Variants in OR9G4 observed in about 807,000 individuals in gnomAD.
The protein encoded by OR9G4 is olfactory receptor 9G4.
In OR9G4, 19 loss-of-function variants were observed where a neutral mutation model predicts 16.7. The ratio of observed to expected loss-of-function variants is 1.14; its 90% CI spans 0.79 to 1.67. The LOEUF is 1.67. Ranked by LOEUF, OR9G4 falls within the 40% of genes most tolerant of loss-of-function variation. OR9G4 has a pLI of 0.00. For missense variants in OR9G4, 428 were observed against 370.4 expected (o/e 1.16, Z -1.28); for synonymous variants, 182 against 146.2 (o/e 1.24, Z -1.76).
intron 1 of OR9G4, among the ~76,000 whole-genome samples, chr11:56,748,426 T>TGATG (rs1285422779): frequency 6.6e-6 from 1 of 152,248 alleles, no homozygotes. Flanking sequence ...AGTGAATATA[T>TGATG]GATGGCCCAG....
intron 1 of OR9G4, among the ~76,000 whole-genome samples, chr11:56,747,174 C>T (rs1438516954): frequency 7.8e-6 from 1 of 127,578 alleles, no homozygotes; most frequent in Non-Finnish European, 1.6e-5. Flanking sequence ...TCTGTCCCAG[C>T]ATCAAAGATT....
At chr11:56,744,868 G>A (rs146288879) in intron 1 of OR9G4, among the ~76,000 whole-genome samples, 61 of 152,220 alleles carry the variant, frequency 4.0e-4, no homozygotes, top group Non-Finnish European at 5.4e-4. Flanking sequence ...CTACAGTGGC[G>A]CTAAGAGCTA....
intron 1 of OR9G4, among the ~76,000 whole-genome samples, chr11:56,745,050 G>A (rs974566812): frequency 6.6e-5 from 10 of 152,082 alleles, no homozygotes; most frequent in South Asian, 4.1e-4. Flanking sequence ...CCAAAAGGGC[G>A]AGAAAACATC....
chr11:56,746,022 G>A (rs4525253), intron 1 of OR9G4, among the ~76,000 whole-genome samples: 12,694 of 151,872 alleles, frequency 0.084, 696 homozygotes, highest in East Asian at 0.14. Flanking sequence ...GGCCGGGCGC[G>A]GTGGCTCACG....
At chr11:56,744,456 A>G (rs1858372315) in intron 1 of OR9G4, among the ~76,000 whole-genome samples, 1 of 152,180 alleles carries the variant, frequency 6.6e-6, no homozygotes, top group Admixed American at 6.5e-5. Context: ...AAAAAATTTC[A>G]CTATCTTTCT....
Position 56,748,676 on chromosome 11 carries a change from T to C in OR9G4, c.-43A>G, listed in dbSNP as rs1305237451. The C allele has an allele frequency of 1.3e-5, 2 of 152,258 alleles. No individual in the cohort carries two copies. The highest frequency in any genetic ancestry group is 2.9e-5 in the Non-Finnish European group (2 of 68,064). The allele number at this position is 152,258 out of a possible 1,614,324, so 9.4% of individuals were successfully genotyped here. A position where few individuals can be genotyped will look rare whatever the true frequency, so the allele number is the denominator to read the frequency against. Reference sequence around the variant, plus strand: ...CTTACCCTTGGTTTGGAAGGCCAGCTCTTGGAAGTCACACTTTTCCCTCTC... The same window carrying C: ...CTTACCCTTGGTTTGGAAGGCCAGCCCTTGGAAGTCACACTTTTCCCTCTC... On this transcript the variant is annotated 5_prime_UTR_variant, in exon 1 of 2. Transcript: ENST00000641668.
chr11:56,746,579 G>A (rs1858420576), intron 1 of OR9G4, among the ~76,000 whole-genome samples: 1 of 152,152 alleles, frequency 6.6e-6, no homozygotes, highest in Non-Finnish European at 1.5e-5. Flanking sequence ...AGATGACTAA[G>A]TTTGGTCGGG....
intron 1 of OR9G4, among the ~76,000 whole-genome samples, chr11:56,746,252 C>G (rs1442116398): frequency 7.0e-6 from 1 of 142,810 alleles, no homozygotes; most frequent in Non-Finnish European, 1.5e-5. Flanking sequence ...GAGATCCCGC[C>G]ACTGCACTCC....
In OR9G4 at chr11:56,742,168, GAGTACTCACTCCTTGTAAGAGAGA is replaced by G. The variant is rs1401649170; in HGVS notation, c.*636_*659del. On this transcript the variant is annotated 3_prime_UTR_variant, in exon 2 of 2. Transcript: ENST00000641668. ...GTGTGACCTGAGAGAGAGTACTGCG[GAGTACTCACTCCTTGTAAGAGAGA>G]AGACTGTTAGGATGATATGCAATTC... 5 of 152,458 alleles carry G rather than the reference GAGTACTCACTCCTTGTAAGAGAGA, an allele frequency of 3.3e-5. No homozygotes were observed. Among genetic ancestry groups the G allele is most frequent in the African/African-American group, 4.8e-5 (2 of 41,562 alleles). The allele number at this position is 152,458 out of a possible 1,614,324, so 9.4% of individuals were successfully genotyped here.
rs1162218997 is a variant in OR9G4 at position 56,743,038 on chromosome 11, G to C, written c.729C>G (p.Ser243=). ...AGAAGAGCATGACTGAGATGAGGTG[G>C]GAAGCACAGGTGGAGAATGCCTTGT... ...GRHKAFSTCA[S]HLISVMLFYG... The change falls in exon 2 of 2, where the codon TCC becomes TCG. Residue 243 remains serine, a synonymous_variant. Coordinates refer to ENST00000641668, the MANE Select transcript of OR9G4 (RefSeq NM_001005284.2). The C allele has an allele frequency of 1.2e-6, 2 of 1,614,094 alleles. No individual in the cohort carries two copies. Among genetic ancestry groups the C allele is most frequent in the Non-Finnish European group, 1.7e-6 (2 of 1,179,968 alleles).
At position 56,743,618 on chromosome 11, in the gene OR9G4, C is replaced by A. The variant is rs747446138; in HGVS notation, c.149G>T (p.Arg50Leu). 3.7e-6 allele frequency: 6 copies of A among 1,613,818 alleles called. No homozygotes were observed. The highest frequency in any genetic ancestry group is 5.1e-6 in the Non-Finnish European group (6 of 1,179,922). ...SGNMTLVILI[R>L]TDSHLHTPMY... is the part of the protein sequence containing the mutation. ...AGGTGTATGCAAGTGGGAATCAGTT[C>A]GGATTAAGATAACCAAGGTCATGTT... is the stretch of plus-strand genomic sequence containing the variant. The change falls in exon 2 of 2, where the codon CGA becomes CTA. Residue 50 changes from arginine (R) to leucine (L), a missense_variant. Physicochemically the swap from Arg to Leu is moderately radical, Grantham distance 102. Transcript: ENST00000641668.
chr11:56,743,955 G>T, intron 1 of OR9G4, 167 bp from the exon 2 acceptor site: 1 of 700,642 alleles, frequency 1.4e-6, no homozygotes, highest in Non-Finnish European at 2.3e-6. Flanking sequence ...TGGAATTGGA[G>T]TCAAAAATAA....
intron 1 of OR9G4, among the ~76,000 whole-genome samples, chr11:56,747,196 T>G (rs1858430350): frequency 6.7e-6 from 1 of 148,546 alleles, no homozygotes; most frequent in African/African-American, 2.5e-5. Flanking sequence ...ATTATTATTA[T>G]TATTATTATT....
rs1384541573 is a variant in OR9G4 at position 56,743,332 on chromosome 11, A to G, written c.435T>C (p.Val145=). The change falls in exon 2 of 2, where the codon GTT becomes GTC. Residue 145 remains valine, a synonymous_variant. Coordinates refer to ENST00000641668, the MANE Select transcript of OR9G4 (RefSeq NM_001005284.2). ...AAAATCCTCCTATGTAGGAGCCAGC[A>G]ACAAGCCCAGTACAGAGGGCGGTGG... ...TMSTALCTGL[V]AGSYIGGFLN... The G allele has an allele frequency of 1.9e-6, 3 of 1,614,114 alleles. No homozygotes were observed. The highest frequency in any genetic ancestry group is 2.5e-6 in the Non-Finnish European group (3 of 1,180,058).
chr11:56,744,899 C>G (rs1858381175), intron 1 of OR9G4, among the ~76,000 whole-genome samples: 1 of 152,156 alleles, frequency 6.6e-6, no homozygotes, highest in Non-Finnish European at 1.5e-5. Context: ...TGAGCACGCC[C>G]AGGTGAGAAA....
Position 56,743,607 on chromosome 11 carries a change from G to T in OR9G4, c.160C>A (p.His54Asn). The change falls in exon 2 of 2, where the codon CAC (histidine) becomes AAC (asparagine). Residue 54 changes from histidine to asparagine, a missense_variant. Physicochemically the swap from His to Asn is moderately conservative, Grantham distance 68. Transcript: ENST00000641668. ...AAAAAGTACATAGGTGTATGCAAGT[G>T]GGAATCAGTTCGGATTAAGATAACC... ...TLVILIRTDS[H>N]LHTPMYFFIG... is the part of the protein sequence containing the mutation. 6.2e-7 allele frequency: 1 copy of T among 1,614,012 alleles called. No homozygotes were observed. Among genetic ancestry groups the T allele is most frequent in the Non-Finnish European group, 8.5e-7 (1 of 1,179,926 alleles).
Position 56,741,447 on chromosome 11 carries a change from T to C in OR9G4, c.*1381A>G, listed in dbSNP as rs1382494987. On this transcript the variant is annotated 3_prime_UTR_variant, in exon 2 of 2. Coordinates refer to ENST00000641668, the MANE Select transcript of OR9G4 (RefSeq NM_001005284.2). ...ATTATTTTTCCTACATAGTGACTAT[T>C]ATGGAGATGAAAAGAAAACATAATA... 2 of 160,498 alleles carry C rather than the reference T, an allele frequency of 1.2e-5. No individual in the cohort carries two copies. Among genetic ancestry groups the C allele is most frequent in the Non-Finnish European group, 2.7e-5 (2 of 73,560 alleles). 9.9% of individuals were successfully genotyped at this position (160,498 alleles called of 1,614,324 possible).
rs1379073192 is a variant in OR9G4, at chr11:56,742,780, C to A, written c.*48G>T. On this transcript the variant is annotated 3_prime_UTR_variant, in exon 2 of 2. Coordinates refer to ENST00000641668, the MANE Select transcript of OR9G4 (RefSeq NM_001005284.2). ...AAATGCAAATGAACACATTTATAAGCCAATAATCTGGAAAATTCAATAACA... is the reference window on the plus strand; with the variant it reads ...AAATGCAAATGAACACATTTATAAGACAATAATCTGGAAAATTCAATAACA... 1.3e-6 allele frequency: 2 copies of A among 1,539,468 alleles called. No individual in the cohort carries two copies. Among genetic ancestry groups the A allele is most frequent in the Non-Finnish European group, 1.8e-6 (2 of 1,132,208 alleles).
intron 1 of OR9G4, among the ~76,000 whole-genome samples, chr11:56,744,472 T>G (rs994302474): frequency 6.6e-6 from 1 of 152,232 alleles, no homozygotes; most frequent in African/African-American, 2.4e-5. Flanking sequence ...TTTCTATAAG[T>G]TATTGAAAAC....
Sources: gnomAD v4.1 joint callset for allele counts (sites outside exome capture counted in the v4.1 genomes callset) on GRCh38, gnomAD v4.1.1 for gene constraint, MANE v1.5 for transcripts, NCBI Gene and HGNC (gene_info 2026-07-23, HGNC 2026-07-21) for gene names.